USP48: variants seen among roughly 807,000 people sequenced by gnomAD.
USP48 encodes ubiquitin carboxyl-terminal hydrolase 48.
USP48 carries 43 observed loss-of-function variants against 150.7 expected under a neutral mutation model. That is an observed-to-expected ratio of 0.29 (90% CI 0.22 to 0.37). The LOEUF is 0.37. USP48 is among the 10% of genes least tolerant of loss of function. The pLI is 1.00. For missense variants in USP48, 813 were observed against 1,249.6 expected, an observed-to-expected ratio of 0.65 and a Z score of 5.27; for synonymous variants, 396 against 425.9, an observed-to-expected ratio of 0.93 and a Z score of 0.86.
At chr1:21,706,374 A>G in intron 17 of USP48, 93 bp downstream of exon 17, 2 of 1,565,834 alleles carry the variant, frequency 1.3e-6, no homozygotes, top group East Asian at 4.5e-5. Context: ...AGAATATGAG[A>G]AGTTCTGGGT....
At chr1:21,716,261 T>C (rs2097704012) in intron 14 of USP48, among the ~76,000 whole-genome samples, 2 of 152,156 alleles carry the variant, frequency 1.3e-5, no homozygotes, top group Admixed American at 1.3e-4. Flanking sequence ...ATTACCACTC[T>C]TCCACTTTGA....
Position 21,682,016 on chromosome 1 carries a change from C to T in USP48, c.3059-1182G>A, listed in dbSNP as rs76416352. Among the ~76,000 whole-genome samples, 248 of 152,322 alleles carry T rather than the reference C, an allele frequency of 1.6e-3. 1 individual carries two copies. The highest frequency in any genetic ancestry group is 5.4e-3 in the African/African-American group (225 of 41,582). On this transcript the variant is annotated intron_variant, in intron 25 of 26. Coordinates refer to ENST00000308271, the MANE Select transcript of USP48 (RefSeq NM_032236.8). ...ACAGTAGTTCTGAGACTTCCCTTCA[C>T]CATCTTCTAGGGCATCTTATCCTAG...
chr1:21,712,483 C>T (rs1310418902), intron 15 of USP48, among the ~76,000 whole-genome samples: 2 of 152,156 alleles, frequency 1.3e-5, no homozygotes, highest in African/African-American at 4.8e-5. Flanking sequence ...CATCAGCACA[C>T]CTCCAGAAAG....
intron 23 of USP48, 116 bp downstream of exon 23, chr1:21,694,948 CTT>C (rs1208456806): frequency 3.4e-6 from 4 of 1,176,378 alleles, no homozygotes; most frequent in South Asian, 4.9e-5. Flanking sequence ...ATTTTGAAAA[CTT>C]TAAGTCTTCT....
chr1:21,679,245 C>G lies in USP48; in HGVS notation c.*172G>C, dbSNP rs2097558824. The G allele has an allele frequency of 1.9e-6, 1 of 538,628 alleles. No homozygotes were observed. The highest frequency in any genetic ancestry group is 2.7e-5 in the Admixed American group (1 of 37,200). 33.4% of individuals were successfully genotyped at this position (538,628 alleles called of 1,614,324 possible). The stretch of plus-strand genomic sequence containing the variant: ...CAAGTCTGATGTCCATCAGTGCAAT[C>G]TGCTTTATTTGACATAAGGCATTTG... On this transcript the variant is annotated 3_prime_UTR_variant, in exon 27 of 27. Transcript: ENST00000308271.
At chr1:21,689,019 A>G (rs1270439973) in intron 24 of USP48, among the ~76,000 whole-genome samples, 1 of 151,936 alleles carries the variant, frequency 6.6e-6, no homozygotes, top group Non-Finnish European at 1.5e-5. Flanking sequence ...AACCAAAAGG[A>G]AAAGAGGAGA....
chr1:21,771,547 T>G (rs2097880662), intron 1 of USP48, among the ~76,000 whole-genome samples: 1 of 144,854 alleles, frequency 6.9e-6, no homozygotes, highest in African/African-American at 2.9e-5. Flanking sequence ...TTATCAGATA[T>G]TTTTCAAATA....
chr1:21,781,135 G>C (rs1290167086), intron 1 of USP48, among the ~76,000 whole-genome samples: 1 of 146,790 alleles, frequency 6.8e-6, no homozygotes, highest in Admixed American at 6.7e-5. Context: ...AAAAAGTATC[G>C]GCCTGGCGGG....
At chr1:21,729,899 C>G in intron 9 of USP48, 67 bp from the exon 10 acceptor site, 1 of 1,596,552 alleles carries the variant, frequency 6.3e-7, no homozygotes, top group Non-Finnish European at 8.6e-7. Flanking sequence ...TTTAGCGGGG[C>G]TATAGAAAAC....
At chr1:21,704,519 G>A in intron 19 of USP48, 127 bp from the exon 20 acceptor site, 1 of 1,028,634 alleles carries the variant, frequency 9.7e-7, no homozygotes, top group Non-Finnish European at 1.3e-6. Flanking sequence ...AGAGAGAAAA[G>A]ATACGTATCA....
chr1:21,762,149 C>T (rs1270792377), intron 1 of USP48, among the ~76,000 whole-genome samples: 1 of 152,122 alleles, frequency 6.6e-6, no homozygotes, highest in Non-Finnish European at 1.5e-5. Flanking sequence ...TGCCTATAAT[C>T]CCAGCTACTT....
intron 1 of USP48, among the ~76,000 whole-genome samples, chr1:21,765,901 CAAAAAAAAAAAAAAAAAAAAAAAAAAA>C (rs199539331): frequency 3.6e-5 from 4 of 112,152 alleles, no homozygotes; most frequent in African/African-American, 1.6e-4. Flanking sequence ...ACTCCATCTC[CAAAAAAAAAAAAAAAAAAAAAAAAAAA>C]AAAAAAAAAG....
At chr1:21,703,401 G>T in intron 21 of USP48, 111 bp downstream of exon 21, 1 of 655,596 alleles carries the variant, frequency 1.5e-6, no homozygotes, top group Non-Finnish European at 2.5e-6. Flanking sequence ...AAACAGCTCT[G>T]AAGGAACAAA....
At chr1:21,741,127 T>C (rs1046941766) in intron 8 of USP48, among the ~76,000 whole-genome samples, 10 of 152,164 alleles carry the variant, frequency 6.6e-5, no homozygotes, top group African/African-American at 2.4e-4. Flanking sequence ...ATAAATCAAT[T>C]AAAAATCAAA....
At chr1:21,688,720 G>A (rs1350260435) in intron 24 of USP48, among the ~76,000 whole-genome samples, 2 of 151,262 alleles carry the variant, frequency 1.3e-5, no homozygotes, top group African/African-American at 2.4e-5. Flanking sequence ...GCACACGCCT[G>A]TAATCCCAGA....
At chr1:21,705,940 T>C (rs1191954031) in intron 18 of USP48, 103 bp from the exon 19 acceptor site, 2 of 1,108,488 alleles carry the variant, frequency 1.8e-6, no homozygotes, top group Non-Finnish European at 2.5e-6. Context: ...TTTAAGAAAA[T>C]ATTAGTAATT....
In USP48 at chr1:21,783,072, C is replaced by G. The variant is rs2097918643; in HGVS notation, c.-115G>C. The stretch of plus-strand genomic sequence containing the variant: ...CAGCAAGGAGGACCTGGCGCTCCTT[C>G]AGGCAGCTGGCCAGTCAATCACCTG... On this transcript the variant is annotated 5_prime_UTR_variant, in exon 1 of 27. Coordinates refer to ENST00000308271, the MANE Select transcript of USP48 (RefSeq NM_032236.8). 3 of 1,364,266 alleles carry G rather than the reference C, an allele frequency of 2.2e-6. No individual in the cohort carries two copies. The South Asian group carries it at 4.8e-5, about 22-fold the overall frequency. The allele number at this position is 1,364,266 out of a possible 1,614,324, so 84.5% of individuals were successfully genotyped here. A position where few individuals can be genotyped will look rare whatever the true frequency, so the allele number is the denominator to read the frequency against.
intron 24 of USP48, among the ~76,000 whole-genome samples, chr1:21,689,290 A>G (rs1451669390): frequency 2.1e-5 from 3 of 142,372 alleles, no homozygotes; most frequent in African/African-American, 7.7e-5. Context: ...TTTTAAGAAC[A>G]GATCCATCTA....
At chr1:21,685,714 A>G (rs1020547071) in intron 25 of USP48, among the ~76,000 whole-genome samples, 2 of 152,234 alleles carry the variant, frequency 1.3e-5, no homozygotes, top group African/African-American at 4.8e-5. Flanking sequence ...TAATCACTAC[A>G]CTACAGAAAC....
Sources: allele counts gnomAD v4.1 joint callset (sites outside exome capture counted in the v4.1 genomes callset), GRCh38; gene constraint gnomAD v4.1.1; transcripts MANE v1.5; gene names NCBI Gene and HGNC (gene_info 2026-07-23, HGNC 2026-07-21).